Variants in TMEFF2 observed in about 807,000 individuals in gnomAD.
TMEFF2 encodes tomoregulin-2.
TMEFF2 carries 28 observed loss-of-function variants against 53.8 expected under a neutral mutation model. The observed-to-expected ratio is 0.52, with a 90% CI of 0.39 to 0.71. TMEFF2 has a LOEUF of 0.71. TMEFF2 is among the 30% of genes least tolerant of loss of function. The pLI is 0.00. For synonymous variants in TMEFF2, 162 were observed against 166.3 expected (o/e 0.97, Z 0.20); for missense variants, 353 against 455.2 (o/e 0.78, Z 2.04).
intron 7 of TMEFF2, among the ~76,000 whole-genome samples, chr2:191,961,696 C>T (rs140764267): frequency 1.2e-4 from 18 of 152,124 alleles, no homozygotes; most frequent in African/African-American, 4.3e-4. Context: ...AGAAGATATA[C>T]AGTTCTTATG....
Position 192,092,881 on chromosome 2 carries a change from G to T in TMEFF2, c.440-35106C>A, listed in dbSNP as rs73982387. Among the ~76,000 whole-genome samples the T allele has an allele frequency of 2.5e-3, 388 of 152,230 alleles. 1 individual carries two copies. Among genetic ancestry groups the T allele is most frequent in the Middle Eastern group, 0.02 (6 of 294 alleles). On this transcript the variant is annotated intron_variant, in intron 4 of 9. Coordinates refer to ENST00000272771, the MANE Select transcript of TMEFF2 (RefSeq NM_016192.4). ...CTCTCCTATAGCATCAATAAGGAATGCAGCCCTTCCCACACGTTAATACTC... is the reference window on the plus strand; with the variant it reads ...CTCTCCTATAGCATCAATAAGGAATTCAGCCCTTCCCACACGTTAATACTC...
At chr2:192,034,768 G>C (rs1339127376) in intron 5 of TMEFF2, 1 of 152,226 alleles carries the variant, frequency 6.6e-6, no homozygotes, top group Non-Finnish European at 1.5e-5. Flanking sequence ...ACATCAACCT[G>C]TCATACTAGT....
At chr2:192,142,897 A>T (rs17433337) in intron 4 of TMEFF2, among the ~76,000 whole-genome samples, 58,184 of 152,052 alleles carry the variant, frequency 0.38, 12,504 homozygotes, top group Middle Eastern at 0.52. Context: ...ACAACTCTAC[A>T]TAAAGCCCTA....
chr2:191,969,283 C>T (rs1692564001), intron 7 of TMEFF2, among the ~76,000 whole-genome samples: 1 of 152,000 alleles, frequency 6.6e-6, no homozygotes, highest in Admixed American at 6.6e-5. Context: ...ACTTCTACCT[C>T]AGTGTGGTGG....
chr2:192,055,887 G>A (rs757219607), intron 5 of TMEFF2, among the ~76,000 whole-genome samples: 37 of 151,868 alleles, frequency 2.4e-4, no homozygotes, highest in Middle Eastern at 3.4e-3. Context: ...TCTCTCACTC[G>A]GCTCCTAGCT....
chr2:192,186,336 T>C (rs10206749), intron 2 of TMEFF2, among the ~76,000 whole-genome samples: 134,915 of 152,060 alleles, frequency 0.89, 59,954 homozygotes, highest in East Asian at 1. Flanking sequence ...AGGAGCAAAA[T>C]GCCTGTAAGA....
chr2:192,111,726 C>G (rs1380450033), intron 4 of TMEFF2, among the ~76,000 whole-genome samples: 2 of 152,156 alleles, frequency 1.3e-5, no homozygotes, highest in East Asian at 3.9e-4. Flanking sequence ...GGCAGCCCCT[C>G]TCATTGCAGG....
In TMEFF2 at chr2:191,991,878, A is replaced by G. The variant is rs80137095; in HGVS notation, c.745+6384T>C. 5.2e-3 allele frequency among the ~76,000 whole-genome samples: 789 copies of G among 152,234 alleles called. 6 individuals carry two copies. The highest frequency in any genetic ancestry group is 0.018 in the African/African-American group (758 of 41,556). ...GGAAATACCATTTCTATGTTTATCT[A>G]TAACCATGAACATAACATAATATTA... On this transcript the variant is annotated intron_variant, in intron 7 of 9. Coordinates refer to ENST00000272771, the MANE Select transcript of TMEFF2 (RefSeq NM_016192.4).
chr2:192,003,366 C>T (rs922299806), intron 5 of TMEFF2, among the ~76,000 whole-genome samples: 23 of 152,112 alleles, frequency 1.5e-4, no homozygotes, highest in Admixed American at 1.4e-3. Context: ...AAGACAGACC[C>T]AAACTCCTAT....
intron 4 of TMEFF2, among the ~76,000 whole-genome samples, chr2:192,170,459 C>T (rs569809760): frequency 1.3e-5 from 2 of 151,986 alleles, no homozygotes; most frequent in East Asian, 3.9e-4. Flanking sequence ...GAAATGGGTT[C>T]CCTCTCCAAC....
intron 5 of TMEFF2, among the ~76,000 whole-genome samples, chr2:192,014,225 G>A (rs190622920): frequency 4.6e-5 from 7 of 152,288 alleles, no homozygotes; most frequent in Admixed American, 2.6e-4. Flanking sequence ...TTTTAAACAT[G>A]ATGATGAATT....
intron 5 of TMEFF2, among the ~76,000 whole-genome samples, chr2:192,011,913 G>A (rs531643890): frequency 8.6e-5 from 13 of 151,548 alleles, no homozygotes; most frequent in South Asian, 2.1e-4. Flanking sequence ...TTGAGACAGC[G>A]TCTCGCTCTG....
chr2:192,113,312 T>G (rs1689327208), intron 4 of TMEFF2, among the ~76,000 whole-genome samples: 1 of 152,182 alleles, frequency 6.6e-6, no homozygotes, highest in Non-Finnish European at 1.5e-5. Context: ...TAGACAAGTC[T>G]GCATATTGAT....
chr2:192,142,840 C>T (rs962243759), intron 4 of TMEFF2, among the ~76,000 whole-genome samples: 6 of 152,128 alleles, frequency 3.9e-5, no homozygotes, highest in Admixed American at 1.3e-4. Context: ...AACCAGATTC[C>T]AACCAACAAA....
intron 4 of TMEFF2, among the ~76,000 whole-genome samples, chr2:192,068,073 G>A (rs1688206726): frequency 1.3e-5 from 2 of 151,988 alleles, no homozygotes; most frequent in African/African-American, 4.8e-5. Flanking sequence ...AAAAAGTAGA[G>A]TTGGGTTGCC....
At chr2:191,967,861 C>T (rs1332905221) in intron 7 of TMEFF2, among the ~76,000 whole-genome samples, 1 of 152,220 alleles carries the variant, frequency 6.6e-6, no homozygotes, top group Admixed American at 6.5e-5. Flanking sequence ...TTGGATGTTA[C>T]GGGAAGTCCT....
chr2:192,035,612 T>C (rs1687271025), intron 5 of TMEFF2, among the ~76,000 whole-genome samples: 2 of 152,316 alleles, frequency 1.3e-5, no homozygotes, highest in Non-Finnish European at 2.9e-5. Context: ...TTTCAGTAAA[T>C]ATTTTCTGTC....
intron 5 of TMEFF2, among the ~76,000 whole-genome samples, chr2:192,055,345 C>G (rs1574331834): frequency 6.6e-6 from 1 of 152,224 alleles, no homozygotes; most frequent in East Asian, 1.9e-4. Flanking sequence ...CTCTGAAATT[C>G]TGATTCATTA....
chr2:191,976,824 T>A (rs751246178), intron 7 of TMEFF2, among the ~76,000 whole-genome samples: 1 of 152,186 alleles, frequency 6.6e-6, no homozygotes, highest in Non-Finnish European at 1.5e-5. Context: ...CTATACACAC[T>A]TATGAAGTAA....
Sources: gnomAD v4.1 joint callset for allele counts (sites outside exome capture counted in the v4.1 genomes callset) on GRCh38, gnomAD v4.1.1 for gene constraint, MANE v1.5 for transcripts, NCBI Gene and HGNC (gene_info 2026-07-23, HGNC 2026-07-21) for gene names.